The following CNTN5 variants were observed in gnomAD, a reference collection of about 807,000 sequenced individuals.
CNTN5 encodes the protein contactin 5.
In CNTN5, 77 loss-of-function variants were observed where a neutral mutation model predicts 129.1. That is an observed-to-expected ratio of 0.60 (90% CI 0.50 to 0.72). CNTN5 has a LOEUF of 0.72. Ranked by LOEUF, CNTN5 falls within the 30% of genes least tolerant of loss-of-function variation. The pLI is 0.00. For missense variants in CNTN5, 1,478 were observed against 1,328.8 expected, an observed-to-expected ratio of 1.11 and a Z score of -1.75; for synonymous variants, 509 against 465.6, an observed-to-expected ratio of 1.09 and a Z score of -1.20.
At chr11:99,772,261 T>C (rs2583151) in intron 3 of CNTN5, among the ~76,000 whole-genome samples, 114,217 of 151,786 alleles carry the variant, frequency 0.75, 43,446 homozygotes, top group East Asian at 0.96. Context: ...AAGATTAATA[T>C]AGTGTAGTCA....
chr11:100,289,373 A>C (rs1384695676), intron 18 of CNTN5, among the ~76,000 whole-genome samples: 7 of 151,930 alleles, frequency 4.6e-5, no homozygotes, highest in Non-Finnish European at 7.4e-5. Flanking sequence ...AAATACTGGC[A>C]AACCGAATCC....
At chr11:99,412,534 A>G (rs935950504) in intron 2 of CNTN5, among the ~76,000 whole-genome samples, 14 of 152,288 alleles carry the variant, frequency 9.2e-5, no homozygotes, top group Admixed American at 4.6e-4. Context: ...ATCATTGGAC[A>G]TGTTATATTT....
chr11:99,829,966 ATTG>A (rs1947086179), intron 4 of CNTN5, among the ~76,000 whole-genome samples: 1 of 152,034 alleles, frequency 6.6e-6, no homozygotes, highest in Admixed American at 6.6e-5. Context: ...ATCTGTTTTT[ATTG>A]TTGTTATGAT....
At chr11:99,744,721 G>GAAAAA (rs35204165) in intron 3 of CNTN5, among the ~76,000 whole-genome samples, 7 of 112,886 alleles carry the variant, frequency 6.2e-5, no homozygotes, top group Non-Finnish European at 1.3e-4. Flanking sequence ...CCCTGTCTCA[G>GAAAAA]AAAAAAAAAA....
intron 1 of CNTN5, chr11:99,120,266 A>C (rs751792771): frequency 2.6e-5 from 4 of 152,108 alleles, no homozygotes; most frequent in Non-Finnish European, 5.9e-5. Context: ...ATCTGGCTAG[A>C]TGGGTGTCTC....
intron 2 of CNTN5, among the ~76,000 whole-genome samples, chr11:99,329,308 T>C (rs1865910251): frequency 6.6e-6 from 1 of 152,216 alleles, no homozygotes; most frequent in Non-Finnish European, 1.5e-5. Flanking sequence ...AACACTTTCA[T>C]TAATATGAAT....
At chr11:99,121,381 C>A (rs763019607) in intron 1 of CNTN5, among the ~76,000 whole-genome samples, 3 of 152,282 alleles carry the variant, frequency 2.0e-5, no homozygotes, top group South Asian at 2.1e-4. Flanking sequence ...GACCTGCCCA[C>A]CTCAGCCTCC....
At chr11:100,119,132 G>T (rs377308278) in intron 13 of CNTN5, among the ~76,000 whole-genome samples, 2 of 151,760 alleles carry the variant, frequency 1.3e-5, no homozygotes, top group Admixed American at 6.6e-5. Context: ...AAAAGAAGAG[G>T]CATAGAACAG....
At chr11:99,200,786 A>T (rs181905546) in intron 1 of CNTN5, among the ~76,000 whole-genome samples, 78 of 152,266 alleles carry the variant, frequency 5.1e-4, no homozygotes, top group Middle Eastern at 3.4e-3. Context: ...CCAATCAAGG[A>T]TCCCAAACAG....
intron 15 of CNTN5, 75 bp from the exon 16 acceptor site, chr11:100,224,617 C>G (rs1053162273): frequency 1.4e-6 from 2 of 1,463,770 alleles, no homozygotes; most frequent in Admixed American, 3.8e-5. Context: ...ACTGAATATG[C>G]AAAGTTCCCC....
chr11:99,764,233 A>C (rs10893861), intron 3 of CNTN5, among the ~76,000 whole-genome samples: 2,518 of 151,998 alleles, frequency 0.017, 35 homozygotes, highest in Non-Finnish European at 0.026. Flanking sequence ...TAGTTCAATT[A>C]TTTGATGAGT....
intron 3 of CNTN5, among the ~76,000 whole-genome samples, chr11:99,653,852 A>AT (rs896483205): frequency 4.6e-5 from 7 of 151,876 alleles, no homozygotes; most frequent in East Asian, 3.9e-4. Flanking sequence ...ATTTTATAGA[A>AT]TTTTTTTTAA....
At chr11:99,709,286 TAATC>T (rs1438941527) in intron 3 of CNTN5, among the ~76,000 whole-genome samples, 9 of 151,880 alleles carry the variant, frequency 5.9e-5, no homozygotes, top group Non-Finnish European at 7.4e-5. Context: ...TCTAAAATAT[TAATC>T]AACATCTACT....
At chr11:99,301,467 A>T (rs1462883978) in intron 1 of CNTN5, among the ~76,000 whole-genome samples, 1 of 151,840 alleles carries the variant, frequency 6.6e-6, no homozygotes, top group African/African-American at 2.4e-5. Flanking sequence ...TGAATTAATT[A>T]TAAGACAAAT....
chr11:99,863,511 G>C (rs1948271286), intron 6 of CNTN5, among the ~76,000 whole-genome samples: 1 of 152,062 alleles, frequency 6.6e-6, no homozygotes, highest in African/African-American at 2.4e-5. Flanking sequence ...TGAATATATA[G>C]TAAGAAACCG....
At chr11:99,451,824 C>A (rs778034065) in intron 2 of CNTN5, among the ~76,000 whole-genome samples, 2 of 151,844 alleles carry the variant, frequency 1.3e-5, no homozygotes, top group African/African-American at 2.4e-5. Context: ...TTAATCAGTC[C>A]GTGGAATGAA....
intron 13 of CNTN5, among the ~76,000 whole-genome samples, chr11:100,186,297 C>T (rs1948300402): frequency 6.6e-6 from 1 of 152,120 alleles, no homozygotes; most frequent in South Asian, 2.1e-4. Context: ...ATCTCTTGAT[C>T]CCAGAAGGTT....
At chr11:99,526,807 T>C (rs1300576829) in intron 2 of CNTN5, among the ~76,000 whole-genome samples, 1 of 152,238 alleles carries the variant, frequency 6.6e-6, no homozygotes, top group Non-Finnish European at 1.5e-5. Context: ...GTGAACTTGA[T>C]GTTATTTGAG....
intron 2 of CNTN5, among the ~76,000 whole-genome samples, chr11:99,406,769 C>T (rs1942088257): frequency 6.6e-6 from 1 of 152,138 alleles, no homozygotes; most frequent in Non-Finnish European, 1.5e-5. Context: ...GATCATAAGA[C>T]ACAGCTTTTT....
Sources: gnomAD v4.1 joint callset for allele counts (sites outside exome capture counted in the v4.1 genomes callset) on GRCh38, gnomAD v4.1.1 for gene constraint, MANE v1.5 for transcripts, NCBI Gene and HGNC (gene_info 2026-07-23, HGNC 2026-07-21) for gene names.